RNF144A: variants seen among roughly 807,000 people sequenced by gnomAD.
The protein encoded by RNF144A is ring finger protein 144A, also known as E3 ubiquitin-protein ligase RNF144A.
A neutral mutation model predicts 38.7 loss-of-function variants in RNF144A; 11 were observed. That is an observed-to-expected ratio of 0.28 (90% CI 0.18 to 0.47). The LOEUF (loss-of-function observed/expected upper bound fraction) is 0.47. RNF144A is among the 20% of genes least tolerant of loss of function. RNF144A has a pLI of 0.99. For missense variants in RNF144A, 316 were observed against 377.2 expected (o/e 0.84, Z 1.34); for synonymous variants, 149 against 143.9 (o/e 1.04, Z -0.25).
In RNF144A at chr2:7,043,580, C is replaced by T; in HGVS notation, c.*3820C>T. The T allele has an allele frequency of 4.1e-6, 4 of 985,518 alleles. No homozygotes were observed. The South Asian group carries it at 1.4e-4, about 35-fold the overall frequency. 61.0% of individuals were successfully genotyped at this position (985,518 alleles called of 1,614,324 possible). ...GTTTATTTCTGATAATTAACCTAAGCCCTTATGAAAATAAACAAAATGAAG... is the reference window on the plus strand; with the variant it reads ...GTTTATTTCTGATAATTAACCTAAGTCCTTATGAAAATAAACAAAATGAAG... On this transcript the variant is annotated 3_prime_UTR_variant, in exon 9 of 9. Transcript: ENST00000320892.
chr2:7,023,156 C>T (rs1254677701), intron 6 of RNF144A, among the ~76,000 whole-genome samples: 1 of 152,232 alleles, frequency 6.6e-6, no homozygotes, highest in Non-Finnish European at 1.5e-5. Flanking sequence ...AGACTCTGTG[C>T]TCCTAATTAG....
intron 2 of RNF144A, among the ~76,000 whole-genome samples, chr2:6,990,572 A>AACACACAC (rs70942685): frequency 1.4e-4 from 12 of 83,970 alleles, no homozygotes; most frequent in African/African-American, 6.1e-4. Flanking sequence ...TACACACACA[A>AACACACAC]ACACACACAC....
In RNF144A at chr2:7,040,091, T is replaced by C. The variant is rs1672955650; in HGVS notation, c.*331T>C. On this transcript the variant is annotated 3_prime_UTR_variant, in exon 9 of 9. Transcript: ENST00000320892. Reference sequence around the variant, plus strand: ...TCTGGGGATGGCCTAAGAGACTTTCTGCTCCTTGGCTTCTAGATGGCACCA... The same window carrying C: ...TCTGGGGATGGCCTAAGAGACTTTCCGCTCCTTGGCTTCTAGATGGCACCA... The C allele has an allele frequency of 9.6e-7, 1 of 1,046,198 alleles. No individual in the cohort carries two copies. The highest frequency in any genetic ancestry group is 5.3e-5 in the Admixed American group (1 of 18,812). 64.8% of individuals were successfully genotyped at this position (1,046,198 alleles called of 1,614,324 possible). A position where few individuals can be genotyped will look rare whatever the true frequency, so the allele number is the denominator to read the frequency against.
intron 3 of RNF144A, among the ~76,000 whole-genome samples, chr2:6,999,919 C>A (rs72781772): frequency 0.052 from 7,981 of 152,318 alleles, 243 homozygotes; most frequent in Middle Eastern, 0.078. Context: ...TTGTCCACAT[C>A]CCCCACTACC....
chr2:7,069,444 T>G (rs908041716), downstream of RNF144A, among the ~76,000 whole-genome samples: 1 of 152,224 alleles, frequency 6.6e-6, no homozygotes, highest in East Asian at 1.9e-4. Context: ...CTATTTTCCC[T>G]TCTGAGTGGC....
In RNF144A at chr2:6,943,996, T is replaced by A. The variant is rs1033491921; in HGVS notation, c.-12+2849T>A. 3.9e-5 allele frequency among the ~76,000 whole-genome samples: 6 copies of A among 152,064 alleles called. No homozygotes were observed. The highest frequency in any genetic ancestry group is 8.8e-5 in the Non-Finnish European group (6 of 67,992). On this transcript the variant is annotated intron_variant, in intron 2 of 8. Coordinates refer to ENST00000320892, the MANE Select transcript of RNF144A (RefSeq NM_014746.6). The surrounding 1 kb of genome is among the most constrained non-coding windows in gnomAD (Gnocchi z 4.3). The stretch of plus-strand genomic sequence containing the variant: ...ACAGCCCTGATGGGGAGTTGAAGTG[T>A]GCAGGAGGTCAAGGATTGAGTGATC...
At chr2:7,020,251 G>T (rs925145774) in intron 5 of RNF144A, among the ~76,000 whole-genome samples, 1 of 152,122 alleles carries the variant, frequency 6.6e-6, no homozygotes, top group African/African-American at 2.4e-5. Context: ...GGGATGTCTG[G>T]GTGTCTGGAG....
chr2:7,014,509 G>T lies in RNF144A; in HGVS notation c.191G>T (p.Ser64Ile). 6.2e-7 allele frequency: 1 copy of T among 1,611,302 alleles called. No individual in the cohort carries two copies. The highest frequency in any genetic ancestry group is 8.5e-7 in the Non-Finnish European group (1 of 1,179,074). The change falls in exon 4 of 9, where the codon AGC (serine) becomes ATC (isoleucine). Residue 64 changes from serine to isoleucine, a missense_variant. Physicochemically the swap from Ser to Ile is moderately radical, Grantham distance 142. Coordinates refer to ENST00000320892, the MANE Select transcript of RNF144A (RefSeq NM_014746.6). Reference sequence around the variant, plus strand: ...AAAGAAGGATTAGAAACCGCAATTAGCTGCCCAGATGCTGCCTGCCCTAAA... The same window carrying T: ...AAAGAAGGATTAGAAACCGCAATTATCTGCCCAGATGCTGCCTGCCCTAAA... ...LIKEGLETAISCPDAACPKQG... is the reference protein window; with the variant it reads ...LIKEGLETAIICPDAACPKQG...
chr2:7,024,097 A>G (rs1671713324), intron 6 of RNF144A, among the ~76,000 whole-genome samples: 1 of 152,186 alleles, frequency 6.6e-6, no homozygotes, highest in Non-Finnish European at 1.5e-5. Flanking sequence ...TTTTGTTTGT[A>G]TACATATATC....
intron 1 of RNF144A, among the ~76,000 whole-genome samples, chr2:6,939,433 G>A (rs758536232): frequency 2.6e-5 from 4 of 152,192 alleles, no homozygotes; most frequent in African/African-American, 7.2e-5. Flanking sequence ...CATTTGGGTT[G>A]TCTTTGGATT....
intron 7 of RNF144A, among the ~76,000 whole-genome samples, chr2:7,027,741 C>G (rs1672007342): frequency 6.6e-6 from 1 of 152,196 alleles, no homozygotes; most frequent in African/African-American, 2.4e-5. Flanking sequence ...GAAAGTATTC[C>G]CTATCACAGA....
intron 2 of RNF144A, among the ~76,000 whole-genome samples, chr2:6,969,985 C>T (rs1572295719): frequency 6.6e-6 from 1 of 152,220 alleles, no homozygotes; most frequent in Admixed American, 6.5e-5. Context: ...TGGTCTCGAT[C>T]TCCTGACCTT....
At chr2:6,939,956 G>A (rs918268304) in intron 1 of RNF144A, among the ~76,000 whole-genome samples, 9 of 152,032 alleles carry the variant, frequency 5.9e-5, no homozygotes, top group African/African-American at 2.2e-4. Flanking sequence ...GATTAATATA[G>A]CTTTATAGTA....
chr2:7,001,636 C>T (rs1249590555), intron 3 of RNF144A, among the ~76,000 whole-genome samples: 4 of 152,198 alleles, frequency 2.6e-5, no homozygotes, highest in African/African-American at 9.7e-5. Flanking sequence ...ATGATTACAC[C>T]ACTGCACTCC....
At chr2:6,987,863 CT>C (rs1184032886) in intron 2 of RNF144A, among the ~76,000 whole-genome samples, 1 of 152,130 alleles carries the variant, frequency 6.6e-6, no homozygotes, top group African/African-American at 2.4e-5. Context: ...AGCTTTCTTT[CT>C]TTTTTTGTAT....
At position 6,919,586 on chromosome 2, in the gene RNF144A, C is replaced by T. The variant is rs113688847; in HGVS notation, c.-212+1964C>T. Among the ~76,000 whole-genome samples, 10 of 136,782 alleles carry T rather than the reference C, an allele frequency of 7.3e-5. No homozygotes were observed. The South Asian group carries it at 1.6e-3, about 22-fold the overall frequency. The allele number at this position is 136,782 out of a possible 152,430, so 89.7% of individuals were successfully genotyped here. ...CTTTAGAGTGATTTCCGCGGTGTTGCGTGGAAGGGAAGGCATGGTGTGGTG... is the reference window on the plus strand; with the variant it reads ...CTTTAGAGTGATTTCCGCGGTGTTGTGTGGAAGGGAAGGCATGGTGTGGTG... On this transcript the variant is annotated intron_variant, in intron 1 of 8. Coordinates refer to ENST00000320892, the MANE Select transcript of RNF144A (RefSeq NM_014746.6).
chr2:7,068,663 A>G (rs1331073997), downstream of RNF144A, among the ~76,000 whole-genome samples: 1 of 152,208 alleles, frequency 6.6e-6, no homozygotes, highest in African/African-American at 2.4e-5. Flanking sequence ...TGCTGAGCAT[A>G]ACGGAAGCAG....
At chr2:7,070,570 GTGTT>G (rs1314228725), downstream of RNF144A, among the ~76,000 whole-genome samples, 1 of 152,160 alleles carries the variant, frequency 6.6e-6, no homozygotes, top group Non-Finnish European at 1.5e-5. Context: ...GAAATAGAGA[GTGTT>G]TGCAGATATA....
intron 1 of RNF144A, chr2:6,918,751 G>T (rs1377334823): frequency 2.3e-5 from 2 of 88,332 alleles, no homozygotes; most frequent in African/African-American, 8.6e-5. Context: ...GCGACAGAAC[G>T]AGACTCCGTC....
Sources: allele counts gnomAD v4.1 joint callset (sites outside exome capture counted in the v4.1 genomes callset), GRCh38; gene constraint gnomAD v4.1.1; non-coding constraint Gnocchi (gnomAD v3.1); transcripts MANE v1.5; gene names NCBI Gene and HGNC (gene_info 2026-07-23, HGNC 2026-07-21).